Variants in PTRH1 observed in about 807,000 individuals in gnomAD.
PTRH1 encodes the protein peptidyl-tRNA hydrolase.
In PTRH1, 13 loss-of-function variants were observed where a neutral mutation model predicts 15.7. The observed-to-expected ratio is 0.83, with a 90% CI of 0.54 to 1.31. PTRH1 has a LOEUF of 1.31. Among genes scored for constraint, PTRH1 ranks in the 40% most tolerant of loss-of-function variants. The pLI, the probability that PTRH1 is intolerant of heterozygous loss-of-function variation, is 0.00. For synonymous variants in PTRH1, 139 were observed against 136.7 expected (o/e 1.02, Z -0.12); for missense variants, 319 against 296.2 (o/e 1.08, Z -0.56).
chr9:127,695,492 C>A (rs772893668), intron 1 of PTRH1: 12 of 222,280 alleles, frequency 5.4e-5, no homozygotes, highest in Non-Finnish European at 1.0e-4. Context: ...CATCTGCCGC[C>A]CAGAAGGAAT....
chr9:127,714,317 G>A (rs374142343), intron 4 of PTRH1, 35 bp from the exon 5 acceptor site: 7 of 1,613,952 alleles, frequency 4.3e-6, no homozygotes, highest in South Asian at 1.1e-5. Flanking sequence ...GGAAGCTTTG[G>A]CGAGGTGCTG....
At chr9:127,698,389 A>T (rs1842578437) in intron 1 of PTRH1, among the ~76,000 whole-genome samples, 1 of 152,226 alleles carries the variant, frequency 6.6e-6, no homozygotes, top group Admixed American at 6.5e-5. Flanking sequence ...AATGGCTACT[A>T]GAAAAACGAA....
downstream of PTRH1, chr9:127,712,600 C>T (rs369839187): frequency 1.3e-6 from 2 of 1,589,344 alleles, no homozygotes; most frequent in Admixed American, 1.8e-5. Flanking sequence ...GGTATCCCAC[C>T]ACAGACAGGG....
At chr9:127,703,238 G>A (rs963902350) in intron 1 of PTRH1, among the ~76,000 whole-genome samples, 1 of 151,614 alleles carries the variant, frequency 6.6e-6, no homozygotes, top group African/African-American at 2.4e-5. Context: ...ATCACCTGAG[G>A]TCAGGAGTTC....
intron 1 of PTRH1, among the ~76,000 whole-genome samples, chr9:127,703,485 AAGAG>A (rs1181296303): frequency 4.6e-5 from 7 of 152,014 alleles, no homozygotes; most frequent in African/African-American, 1.7e-4. Flanking sequence ...GAGAGAGGGA[AAGAG>A]AGAGAAAGAG....
At chr9:127,697,651 ACT>A (rs1286643052) in intron 1 of PTRH1, among the ~76,000 whole-genome samples, 2 of 152,070 alleles carry the variant, frequency 1.3e-5, no homozygotes, top group African/African-American at 2.4e-5. Flanking sequence ...ACAGAGCAAG[ACT>A]CTGTCTCAAA....
At chr9:127,706,943 T>C in intron 1 of PTRH1, 1 of 1,494,944 alleles carries the variant, frequency 6.7e-7, no homozygotes, top group Non-Finnish European at 9.1e-7. Context: ...CCAGCCTCAC[T>C]CCCTCGGCCT....
At chr9:127,695,856 A>T (rs1290008454) in intron 1 of PTRH1, 1 of 152,228 alleles carries the variant, frequency 6.6e-6, no homozygotes, top group African/African-American at 2.4e-5. Flanking sequence ...TTGGATACAT[A>T]TGTTGTAAAT....
At chr9:127,695,625 C>G (rs965407603) in intron 1 of PTRH1, 3 of 153,206 alleles carry the variant, frequency 2.0e-5, no homozygotes, top group Non-Finnish European at 2.9e-5. Context: ...CTCTTCCCTG[C>G]TCTTTCTACC....
At chr9:127,711,089 C>T (rs1022584097), downstream of PTRH1, 1 of 1,075,462 alleles carries the variant, frequency 9.3e-7, no homozygotes, top group African/African-American at 1.6e-5. Flanking sequence ...GAAAGCCTCC[C>T]ACCCATAGCC....
intron 1 of PTRH1, among the ~76,000 whole-genome samples, chr9:127,706,203 C>A (rs764952900): frequency 1.3e-5 from 2 of 152,200 alleles, no homozygotes; most frequent in Non-Finnish European, 1.5e-5. Context: ...ACTTCTCTGA[C>A]CTTTCTCATC....
intron 1 of PTRH1, among the ~76,000 whole-genome samples, chr9:127,700,381 C>T (rs1212508664): frequency 1.3e-5 from 2 of 152,204 alleles, no homozygotes; most frequent in Non-Finnish European, 2.9e-5. Context: ...CTGGCTCCTC[C>T]TTGTGCTTTT....
chr9:127,702,878 A>ATTTT (rs768006652), intron 1 of PTRH1, among the ~76,000 whole-genome samples: 1 of 140,488 alleles, frequency 7.1e-6, no homozygotes, highest in East Asian at 2.1e-4. Context: ...CGCCTGGCTA[A>ATTTT]TTTTTTTTTT....
chr9:127,715,610 T>C lies in PTRH1; in HGVS notation c.30A>G (p.Gly10=), dbSNP rs370273158. Residue 10 remains glycine, a synonymous_variant, in exon 1 of 5, where the codon GGA becomes GGG. Transcript: ENST00000543175. The surrounding 1 kb of genome is among the most constrained non-coding windows in gnomAD (Gnocchi z 5.8). ...GGCTCATGGCTCTACTCAGCCGCTG[T>C]CCGGCGCCCAAAAAGCCGCCCGGCC... is the stretch of plus-strand genomic sequence containing the variant. MRPGGFLGA[G]QRLSRAMSRC... 8.7e-6 allele frequency: 14 copies of C among 1,612,826 alleles called. No homozygotes were observed. The African/African-American group carries it at 1.5e-4, about 17-fold the overall frequency.
chr9:127,714,369 G>A lies in PTRH1; in HGVS notation c.462+10C>T. 3.1e-6 allele frequency: 5 copies of A among 1,614,232 alleles called. No individual in the cohort carries two copies. The highest frequency in any genetic ancestry group is 2.2e-5 in the South Asian group (2 of 91,082). ...CCCGACCCAGTTGCACAACAAAAGG[G>A]TAGACTCACATTGGAGTTGAGGCAG... On this transcript the variant is annotated intron_variant, in intron 4 of 4. Transcript: ENST00000543175.
chr9:127,697,393 C>T (rs896164741), intron 1 of PTRH1, among the ~76,000 whole-genome samples: 1 of 152,174 alleles, frequency 6.6e-6, no homozygotes, highest in African/African-American at 2.4e-5. Context: ...GGCGTAGTGG[C>T]TCACACCTGT....
chr9:127,714,164 C>G lies in PTRH1; in HGVS notation c.581G>C (p.Arg194Pro), dbSNP rs147912974. Residue 194 changes from arginine (R) to proline (P), a missense_variant, in exon 5 of 5, where the codon CGA becomes CCA. Transcript: ENST00000543175. The part of the protein sequence containing the change: ...EQELLPLLLD[R>P]ATDLILDHIR... ...GTGGTCCAAGATCAGGTCGGTGGCT[C>G]GATCCAGCAACAGAGGCAGCAGCTC... The G allele has an allele frequency of 1.4e-5, 23 of 1,613,734 alleles. No individual in the cohort carries two copies. Among genetic ancestry groups the G allele is most frequent in the Non-Finnish European group, 1.9e-5 (23 of 1,180,022 alleles).
chr9:127,707,320 A>T, intron 1 of PTRH1: 1 of 945,472 alleles, frequency 1.1e-6, no homozygotes. Context: ...TCCAGACCCC[A>T]TCCCGACCCC....
rs1842636601 is a variant in PTRH1 at position 127,705,396 on chromosome 9, C to T, written c.205+10039G>A. Among the ~76,000 whole-genome samples the T allele has an allele frequency of 6.6e-6, 1 of 152,228 alleles. No individual in the cohort carries two copies. The highest frequency in any genetic ancestry group is 2.4e-5 in the African/African-American group (1 of 41,462). On this transcript the variant is annotated intron_variant, in intron 1 of 2. Coordinates refer to the PTRH1 transcript ENST00000335223. The surrounding 1 kb of genome is among the most constrained non-coding windows in gnomAD (Gnocchi z 4.7). Reference sequence around the variant, plus strand: ...CTCCAAGCAAACCCCAGAAAGTGCTCTCCCTCCACCCTGCAGCGTCCCCTC... The same window carrying T: ...CTCCAAGCAAACCCCAGAAAGTGCTTTCCCTCCACCCTGCAGCGTCCCCTC...
Sources: allele counts gnomAD v4.1 joint callset (sites outside exome capture counted in the v4.1 genomes callset), GRCh38; gene constraint gnomAD v4.1.1; non-coding constraint Gnocchi (gnomAD v3.1); transcripts MANE v1.5; gene names NCBI Gene and HGNC (gene_info 2026-07-23, HGNC 2026-07-21).